TPST2: variants seen among roughly 807,000 people sequenced by gnomAD.
The protein encoded by TPST2 is tyrosylprotein sulfotransferase 2.
A neutral mutation model predicts 27.8 loss-of-function variants in TPST2; 16 were observed. The ratio of observed to expected loss-of-function variants is 0.58; its 90% CI spans 0.39 to 0.88. The LOEUF (loss-of-function observed/expected upper bound fraction) is 0.88. Ranked by LOEUF, TPST2 falls within the 40% of genes least tolerant of loss-of-function variation. The probability of loss-of-function intolerance (pLI) is 0.00; values close to 1 mark genes in which losing one functional copy is unlikely to be tolerated. For missense variants in TPST2, 464 were observed against 543.1 expected (o/e 0.85, Z 1.45); for synonymous variants, 229 against 231.7 (o/e 0.99, Z 0.10).
rs1241153619 is a variant in TPST2, at chr22:26,525,370, C to A, written c.*905G>T. 6.6e-6 allele frequency: 1 copy of A among 152,274 alleles called. No individual in the cohort carries two copies. The highest frequency in any genetic ancestry group is 6.5e-5 in the Admixed American group (1 of 15,272). The allele number at this position is 152,274 out of a possible 1,614,324, so 9.4% of individuals were successfully genotyped here. On this transcript the variant is annotated 3_prime_UTR_variant, in exon 7 of 7. Coordinates refer to ENST00000338754, the MANE Select transcript of TPST2 (RefSeq NM_003595.5). ...CTGGGATTACAGGTGCACACCACCA[C>A]GCCCAGGTAATTTTTGTATTTTTAG... is the stretch of plus-strand genomic sequence containing the variant.
At position 26,544,647 on chromosome 22, in the gene TPST2, G is replaced by A. The variant is rs1196166259; in HGVS notation, c.-132C>T. On this transcript the variant is annotated 5_prime_UTR_variant, in exon 2 of 7. Transcript: ENST00000338754. Reference sequence around the variant, plus strand: ...TCTCTGGGCTCCAGCCCTTGTGCCTGTGTGCCAAGGCTGTCTGCTGGCAGA... The same window carrying A: ...TCTCTGGGCTCCAGCCCTTGTGCCTATGTGCCAAGGCTGTCTGCTGGCAGA... 1 of 985,892 alleles carries A rather than the reference G, an allele frequency of 1.0e-6. No individual in the cohort carries two copies. The highest frequency in any genetic ancestry group is 1.2e-6 in the Non-Finnish European group (1 of 830,048). 61.1% of individuals were successfully genotyped at this position (985,892 alleles called of 1,614,324 possible). A position where few individuals can be genotyped will look rare whatever the true frequency, so the allele number is the denominator to read the frequency against.
chr22:26,563,895 T>A (rs902494199), intron 1 of TPST2, among the ~76,000 whole-genome samples: 5 of 152,140 alleles, frequency 3.3e-5, no homozygotes, highest in African/African-American at 1.2e-4. Context: ...CCCCAGGCGT[T>A]TCCATGCACA....
chr22:26,574,319 T>A (rs1372656212), intron 1 of TPST2, among the ~76,000 whole-genome samples: 1 of 152,232 alleles, frequency 6.6e-6, no homozygotes, highest in African/African-American at 2.4e-5. Flanking sequence ...ATCATTATTA[T>A]GATCCCTGTT....
At chr22:26,554,799 G>A (rs574993690) in intron 1 of TPST2, among the ~76,000 whole-genome samples, 1 of 152,322 alleles carries the variant, frequency 6.6e-6, no homozygotes, top group South Asian at 2.1e-4. Flanking sequence ...TTAGCCAGGC[G>A]TGGTGGTGAA....
chr22:26,581,523 C>A (rs1416288893), intron 1 of TPST2, among the ~76,000 whole-genome samples: 3 of 152,222 alleles, frequency 2.0e-5, no homozygotes, highest in Non-Finnish European at 2.9e-5. Context: ...GGAAAAAGTT[C>A]TAGGCAGAAG....
intron 4 of TPST2, among the ~76,000 whole-genome samples, chr22:26,533,110 G>A (rs568811995): frequency 1.3e-5 from 2 of 152,252 alleles, no homozygotes. Context: ...TCTTTTGAGT[G>A]GGTGGTCAAG....
At chr22:26,552,728 G>A (rs3788402) in intron 1 of TPST2, among the ~76,000 whole-genome samples, 55,768 of 151,840 alleles carry the variant, frequency 0.37, 10,652 homozygotes, top group African/African-American at 0.46. Flanking sequence ...GATTTGTCCC[G>A]TGGGCATAGT....
chr22:26,574,311 CATT>C lies in TPST2; in HGVS notation c.-161+15739_-161+15741del, dbSNP rs1354120981. ...TATTATCTGTCACCCACAAAATAAT[CATT>C]ATTATGATCCCTGTTGCACAGATGA... On this transcript the variant is annotated intron_variant, in intron 1 of 6. Coordinates refer to ENST00000338754, the MANE Select transcript of TPST2 (RefSeq NM_003595.5). 3.3e-5 allele frequency among the ~76,000 whole-genome samples: 5 copies of C among 152,270 alleles called. No homozygotes were observed. In the East Asian group the frequency reaches 9.6e-4, roughly 29 times the overall value.
chr22:26,560,890 T>G, intron 1 of TPST2: 4 of 1,597,860 alleles, frequency 2.5e-6, no homozygotes, highest in Non-Finnish European at 2.6e-6. Flanking sequence ...GGCCTGTCCA[T>G]TGGTGATGTT....
intron 1 of TPST2, among the ~76,000 whole-genome samples, chr22:26,546,600 G>A (rs1253788812): frequency 6.6e-6 from 1 of 152,384 alleles, no homozygotes; most frequent in East Asian, 1.9e-4. Flanking sequence ...AGGGCTGTCA[G>A]TCATTTGGAG....
chr22:26,577,441 T>C (rs1297956029), intron 1 of TPST2, among the ~76,000 whole-genome samples: 1 of 151,638 alleles, frequency 6.6e-6, no homozygotes, highest in Non-Finnish European at 1.5e-5. Context: ...ACCTCCCAGG[T>C]TCAAGCGATT....
At chr22:26,556,528 G>A (rs1002047289) in intron 1 of TPST2, among the ~76,000 whole-genome samples, 2 of 152,080 alleles carry the variant, frequency 1.3e-5, no homozygotes, top group Admixed American at 6.6e-5. Context: ...CGACAAGAGC[G>A]AAACTCCATC....
intron 4 of TPST2, chr22:26,536,003 T>C (rs1925436309): frequency 1.9e-6 from 1 of 527,364 alleles, no homozygotes; most frequent in African/African-American, 1.9e-5. Context: ...GGGGTAAAAA[T>C]GTAAATAAAA....
At chr22:26,549,656 C>CAAAA (rs71192939) in intron 1 of TPST2, among the ~76,000 whole-genome samples, 9 of 58,636 alleles carry the variant, frequency 1.5e-4, no homozygotes, top group Admixed American at 5.5e-4. Context: ...GACTCCGTCT[C>CAAAA]AAAAAAAAAA....
chr22:26,534,248 C>G (rs1004620895), intron 4 of TPST2, among the ~76,000 whole-genome samples: 1 of 152,154 alleles, frequency 6.6e-6, no homozygotes, highest in Non-Finnish European at 1.5e-5. Context: ...TTGGAACACA[C>G]AGGGTCCACA....
At chr22:26,537,199 T>C (rs1030816128) in intron 3 of TPST2, among the ~76,000 whole-genome samples, 1 of 152,222 alleles carries the variant, frequency 6.6e-6, no homozygotes, top group African/African-American at 2.4e-5. Context: ...CACTCAGTCT[T>C]TGCACTGTGG....
intron 1 of TPST2, among the ~76,000 whole-genome samples, chr22:26,548,692 G>A (rs1185433008): frequency 2.0e-5 from 3 of 150,972 alleles, no homozygotes; most frequent in Non-Finnish European, 4.4e-5. Context: ...GCTAGGTGTG[G>A]TAGCTCATGC....
chr22:26,570,094 GAGA>G (rs1927572752), intron 1 of TPST2, among the ~76,000 whole-genome samples: 5 of 150,252 alleles, frequency 3.3e-5, no homozygotes, highest in Non-Finnish European at 6.0e-5. Context: ...AAAAGAAAGA[GAGA>G]AAAAAATTAA....
intron 1 of TPST2, among the ~76,000 whole-genome samples, chr22:26,577,985 G>A (rs1927925367): frequency 6.6e-6 from 1 of 152,066 alleles, no homozygotes. Context: ...ACCCACAGGA[G>A]AGAAAACATT....
Sources: gnomAD v4.1 joint callset for allele counts (sites outside exome capture counted in the v4.1 genomes callset) on GRCh38, gnomAD v4.1.1 for gene constraint, MANE v1.5 for transcripts, NCBI Gene and HGNC (gene_info 2026-07-23, HGNC 2026-07-21) for gene names.